The following RIGI variants were observed in gnomAD, a reference collection of about 807,000 sequenced individuals.
The protein encoded by RIGI is RNA sensor RIG-I, also known as antiviral innate immune response receptor RIG-I.
chr9:32,477,794 G>A, the RIGI span, among the ~76,000 whole-genome samples: 1 of 151,916 alleles, frequency 6.6e-6, no homozygotes, highest in Admixed American at 6.5e-5. Flanking sequence ...GCGTGGTGAT[G>A]GGCGCCTATA....
At chr9:32,457,749 T>G in the RIGI span, among the ~76,000 whole-genome samples, 5 of 152,174 alleles carry the variant, frequency 3.3e-5, no homozygotes, top group African/African-American at 1.2e-4. Context: ...TGCTGAAAAT[T>G]TGTGAAGCTG....
chr9:32,501,829 GA>G, the RIGI span, among the ~76,000 whole-genome samples: 1 of 152,174 alleles, frequency 6.6e-6, no homozygotes, highest in Non-Finnish European at 1.5e-5. Flanking sequence ...TGAAGGAAGA[GA>G]AGAAGGAATG....
chr9:32,485,428 G>A, the RIGI span: 1 of 654,218 alleles, frequency 1.5e-6, no homozygotes, highest in South Asian at 1.8e-5. Context: ...CTAACTGGCA[G>A]GTGGTCCAGA....
At chr9:32,488,702 G>A in the RIGI span, 1 of 1,491,206 alleles carries the variant, frequency 6.7e-7, no homozygotes, top group Non-Finnish European at 8.9e-7. Context: ...TGAAGCTGGA[G>A]AAAAAGAAGT....
the RIGI span, among the ~76,000 whole-genome samples, chr9:32,503,660 A>G: frequency 2.0e-5 from 3 of 152,188 alleles, no homozygotes; most frequent in Non-Finnish European, 2.9e-5. Context: ...ATGTGTCCAG[A>G]AAGTGCTACC....
At chr9:32,487,912 T>G in the RIGI span, 1 of 1,607,160 alleles carries the variant, frequency 6.2e-7, no homozygotes, top group South Asian at 1.1e-5. Flanking sequence ...AGATTATAGC[T>G]CTTCTGAAGC....
the RIGI span, among the ~76,000 whole-genome samples, chr9:32,478,041 G>GTTTTTTT: frequency 1.3e-5 from 2 of 151,362 alleles, no homozygotes; most frequent in Admixed American, 6.6e-5. Flanking sequence ...TGTTTTATCG[G>GTTTTTTT]TTTTTGTTTT....
At chr9:32,493,323 T>C in the RIGI span, among the ~76,000 whole-genome samples, 2 of 152,148 alleles carry the variant, frequency 1.3e-5, no homozygotes, top group Non-Finnish European at 2.9e-5. Context: ...ATTACTCAGT[T>C]CACATTAAAA....
At chr9:32,487,927 G>T in the RIGI span, 7 of 1,612,198 alleles carry the variant, frequency 4.3e-6, 1 homozygote, top group South Asian at 7.7e-5. Context: ...TGAAGCATTC[G>T]TCTGACTTTG....
chr9:32,481,551 G>C, the RIGI span: 1 of 1,334,924 alleles, frequency 7.5e-7, no homozygotes, highest in East Asian at 2.5e-5. Flanking sequence ...CAGTCATTTA[G>C]GGTTATAAAC....
the RIGI span, among the ~76,000 whole-genome samples, chr9:32,509,824 G>A: frequency 1.3e-5 from 2 of 151,892 alleles, no homozygotes; most frequent in African/African-American, 4.8e-5. Context: ...CCAATGCAAG[G>A]AAGCTACAAA....
At chr9:32,461,658 G>T in the RIGI span, among the ~76,000 whole-genome samples, 1 of 152,070 alleles carries the variant, frequency 6.6e-6, no homozygotes, top group African/African-American at 2.4e-5. Context: ...CATCACCGTT[G>T]CCTCTTCTCT....
At chr9:32,524,913 T>C in the RIGI span, among the ~76,000 whole-genome samples, 1 of 150,950 alleles carries the variant, frequency 6.6e-6, no homozygotes, top group Non-Finnish European at 1.5e-5. Context: ...CAACTCAGCA[T>C]TCCGCTGGAG....
the RIGI span, among the ~76,000 whole-genome samples, chr9:32,506,219 A>C: frequency 6.6e-6 from 1 of 152,128 alleles, no homozygotes; most frequent in Admixed American, 6.5e-5. Flanking sequence ...CTCTGTCTCA[A>C]TCAATCAATC....
chr9:32,521,394 A>T, the RIGI span, among the ~76,000 whole-genome samples: 1 of 152,274 alleles, frequency 6.6e-6, no homozygotes, highest in African/African-American at 2.4e-5. Context: ...TGCTGTCTTT[A>T]TTAGGCCTTA....
chr9:32,497,479 G>C, the RIGI span, among the ~76,000 whole-genome samples: 2 of 152,196 alleles, frequency 1.3e-5, no homozygotes, highest in African/African-American at 4.8e-5. Context: ...TGGGCGCAGT[G>C]GCTCACGCCT....
At chr9:32,469,615 G>C in the RIGI span, among the ~76,000 whole-genome samples, 1 of 152,182 alleles carries the variant, frequency 6.6e-6, no homozygotes, top group Non-Finnish European at 1.5e-5. Flanking sequence ...TTAGACTAGC[G>C]TAAGTGGGTT....
At chr9:32,469,076 G>A in the RIGI span, among the ~76,000 whole-genome samples, 1 of 152,080 alleles carries the variant, frequency 6.6e-6, no homozygotes, top group Non-Finnish European at 1.5e-5. Context: ...GGAGGATTTG[G>A]AGACCCCCTG....
At chr9:32,501,212 TA>T in the RIGI span, among the ~76,000 whole-genome samples, 56 of 140,278 alleles carry the variant, frequency 4.0e-4, 1 homozygote, top group South Asian at 0.012. Context: ...TGAAGATGTG[TA>T]AAAAAATCTC....
Sources: allele counts gnomAD v4.1 joint callset (sites outside exome capture counted in the v4.1 genomes callset), GRCh38; gene constraint gnomAD v4.1.1; transcripts MANE v1.5; gene names NCBI Gene and HGNC (gene_info 2026-07-23, HGNC 2026-07-21).